The following GRB2 variants were observed in gnomAD, a reference collection of about 807,000 sequenced individuals.
GRB2 encodes the protein growth factor receptor-bound protein 2.
GRB2 carries 2 observed loss-of-function variants against 27.4 expected under a neutral mutation model. The ratio of observed to expected loss-of-function variants is 0.07; its 90% CI spans 0.03 to 0.23. The LOEUF (loss-of-function observed/expected upper bound fraction) is 0.23, where lower values mean the gene tolerates loss of function less well. GRB2 is among the 10% of genes least tolerant of loss of function. GRB2 has a pLI of 1.00. For synonymous variants in GRB2, 94 were observed against 99.6 expected, an observed-to-expected ratio of 0.94 and a Z score of 0.33; for missense variants, 102 against 282.4, an observed-to-expected ratio of 0.36 and a Z score of 4.58.
At chr17:75,384,222 C>G (rs1450759175) in intron 2 of GRB2, among the ~76,000 whole-genome samples, 1 of 152,218 alleles carries the variant, frequency 6.6e-6, no homozygotes, top group Admixed American at 6.5e-5. Context: ...TCACAGTGAA[C>G]TTCAGCCTAA....
chr17:75,327,649 G>A lies in GRB2; in HGVS notation c.177-1629C>T, dbSNP rs561189842. Among the ~76,000 whole-genome samples the A allele has an allele frequency of 3.9e-4, 59 of 150,188 alleles. 1 individual carries two copies. Among genetic ancestry groups the A allele is most frequent in the African/African-American group, 1.4e-3 (56 of 40,868 alleles). On this transcript the variant is annotated intron_variant, in intron 3 of 5. Coordinates refer to ENST00000316804, the MANE Select transcript of GRB2 (RefSeq NM_002086.5). ...CTCCCAAAGTGCTGGGATTAAAGTC[G>A]CGAGCCACCACGCCCGGCTAATTTA...
intron 2 of GRB2, among the ~76,000 whole-genome samples, chr17:75,380,391 T>C (rs2078920645): frequency 6.6e-6 from 1 of 151,818 alleles, no homozygotes; most frequent in South Asian, 2.1e-4. Flanking sequence ...TATAGAAAGT[T>C]AAAGTTCTCC....
intron 3 of GRB2, among the ~76,000 whole-genome samples, chr17:75,328,069 T>C (rs2078511795): frequency 6.6e-6 from 1 of 152,172 alleles, no homozygotes; most frequent in African/African-American, 2.4e-5. Context: ...ATGCCTGTAA[T>C]TGCAGCACTT....
chr17:75,393,958 G>T, intron 1 of GRB2, 193 bp from the exon 2 acceptor site: 2 of 410,052 alleles, frequency 4.9e-6, no homozygotes, highest in Non-Finnish European at 8.8e-6. Flanking sequence ...GCGACTGACA[G>T]GCCTGCCGGC....
chr17:75,358,779 G>A (rs2078754156), intron 2 of GRB2, among the ~76,000 whole-genome samples: 1 of 146,820 alleles, frequency 6.8e-6, no homozygotes. Context: ...AGCTACTCAG[G>A]AGGCTGAGGC....
intron 4 of GRB2, among the ~76,000 whole-genome samples, chr17:75,323,645 C>T (rs1040470585): frequency 2.0e-5 from 3 of 152,146 alleles, no homozygotes; most frequent in African/African-American, 7.2e-5. Context: ...AGAGTTTCTG[C>T]TGAGCAAACA....
intron 2 of GRB2, among the ~76,000 whole-genome samples, chr17:75,349,498 A>G (rs2145838850): frequency 6.7e-6 from 1 of 148,236 alleles, no homozygotes; most frequent in South Asian, 2.1e-4. Context: ...TTCTGTTTTC[A>G]TAACTCAGAC....
chr17:75,382,900 G>C (rs888327917), intron 2 of GRB2, among the ~76,000 whole-genome samples: 2 of 152,062 alleles, frequency 1.3e-5, no homozygotes, highest in Non-Finnish European at 2.9e-5. Flanking sequence ...AGTAGAGACG[G>C]GGTTATCACC....
intron 2 of GRB2, among the ~76,000 whole-genome samples, chr17:75,341,970 T>C (rs755707932): frequency 3.3e-5 from 5 of 152,158 alleles, no homozygotes; most frequent in African/African-American, 4.8e-5. Flanking sequence ...TGATCTCCCA[T>C]TGCTTCTCCA....
At chr17:75,380,976 T>C (rs1166040763) in intron 2 of GRB2, among the ~76,000 whole-genome samples, 1 of 152,226 alleles carries the variant, frequency 6.6e-6, no homozygotes, top group Non-Finnish European at 1.5e-5. Flanking sequence ...TTATGGGCCA[T>C]TCTCACTTAA....
chr17:75,405,656 C>G lies in GRB2; in HGVS notation c.-305G>C, dbSNP rs909395714. 1.2e-5 allele frequency: 2 copies of G among 161,810 alleles called. No homozygotes were observed. The highest frequency in any genetic ancestry group is 4.8e-5 in the African/African-American group (2 of 41,550). The allele number at this position is 161,810 out of a possible 1,614,324, so 10.0% of individuals were successfully genotyped here. ...GCCGCCGCTGCCGCCGCCCGGTCGC[C>G]GAAGCAGCAATACCTCCTGGCTTCC... On this transcript the variant is annotated 5_prime_UTR_variant, in exon 1 of 6. Coordinates refer to ENST00000316804, the MANE Select transcript of GRB2 (RefSeq NM_002086.5).
chr17:75,354,264 T>TGGGG (rs755108476), intron 2 of GRB2, among the ~76,000 whole-genome samples: 17 of 38,228 alleles, frequency 4.4e-4, no homozygotes, highest in African/African-American at 1.3e-3. Context: ...TCTTTTTTTT[T>TGGGG]GGGGGGGGGG....
At chr17:75,363,626 G>A (rs1231433527) in intron 2 of GRB2, among the ~76,000 whole-genome samples, 2 of 100,660 alleles carry the variant, frequency 2.0e-5, no homozygotes, top group Non-Finnish European at 5.2e-5. Context: ...TTGGGAGGCC[G>A]AGGAGGGTGG....
chr17:75,372,187 C>T (rs2145855756), intron 2 of GRB2: 1 of 152,320 alleles, frequency 6.6e-6, no homozygotes, highest in East Asian at 1.9e-4. Context: ...ATCTTACAGG[C>T]CACCCCCGAG....
At chr17:75,347,195 A>G (rs2078660965) in intron 2 of GRB2, among the ~76,000 whole-genome samples, 1 of 152,132 alleles carries the variant, frequency 6.6e-6, no homozygotes, top group African/African-American at 2.4e-5. Context: ...TGATAGCGGC[A>G]GGAGGCAGAC....
chr17:75,383,273 G>A (rs540733032), intron 2 of GRB2, among the ~76,000 whole-genome samples: 3 of 152,222 alleles, frequency 2.0e-5, no homozygotes, highest in African/African-American at 7.2e-5. Context: ...CACAGCATAG[G>A]TATCCATCTA....
intron 2 of GRB2, chr17:75,338,703 G>T: frequency 2.2e-6 from 1 of 453,160 alleles, no homozygotes; most frequent in Non-Finnish European, 4.0e-6. Flanking sequence ...TTTTTGCAAA[G>T]AGACTGAAAA....
At chr17:75,375,401 A>G (rs1204302741) in intron 2 of GRB2, among the ~76,000 whole-genome samples, 1 of 151,474 alleles carries the variant, frequency 6.6e-6, no homozygotes, top group Admixed American at 6.6e-5. Context: ...AAAAAAAGAG[A>G]GAAAGTAATT....
chr17:75,321,897 T>C (rs1053005903), intron 4 of GRB2, 70 bp from the exon 5 acceptor site: 3 of 1,466,832 alleles, frequency 2.0e-6, no homozygotes, highest in Non-Finnish European at 2.8e-6. Flanking sequence ...TATTTCCATA[T>C]AGGAGCTATC....
Sources: allele counts gnomAD v4.1 joint callset (sites outside exome capture counted in the v4.1 genomes callset), GRCh38; gene constraint gnomAD v4.1.1; transcripts MANE v1.5; gene names NCBI Gene and HGNC (gene_info 2026-07-23, HGNC 2026-07-21).